Variants in PMEPA1 observed in about 807,000 individuals in gnomAD.
PMEPA1 encodes the protein protein TMEPAI.
Under a neutral mutation model 23.0 loss-of-function variants are expected in PMEPA1, and 11 were observed. The ratio of observed to expected loss-of-function variants is 0.48; its 90% CI spans 0.30 to 0.79. PMEPA1 has a LOEUF of 0.79. Ranked by LOEUF, PMEPA1 falls within the 30% of genes least tolerant of loss-of-function variation. PMEPA1 has a pLI of 0.06. For missense variants in PMEPA1, 377 were observed against 390.9 expected, an observed-to-expected ratio of 0.96 and a Z score of 0.30; for synonymous variants, 204 against 166.4, an observed-to-expected ratio of 1.23 and a Z score of -1.74.
chr20:57,701,045 A>G (rs2072004471), intron 1 of PMEPA1, among the ~76,000 whole-genome samples: 1 of 151,870 alleles, frequency 6.6e-6, no homozygotes, highest in African/African-American at 2.4e-5. Context: ...AAAAGAAAAG[A>G]AAAGAAAAAA....
At chr20:57,674,227 G>A (rs941431195) in intron 1 of PMEPA1, among the ~76,000 whole-genome samples, 1 of 152,182 alleles carries the variant, frequency 6.6e-6, no homozygotes, top group African/African-American at 2.4e-5. Context: ...CAGGATTAGT[G>A]ACCTGATAAG....
At chr20:57,695,000 G>A (rs2071927516) in intron 1 of PMEPA1, among the ~76,000 whole-genome samples, 3 of 152,316 alleles carry the variant, frequency 2.0e-5, no homozygotes, top group Non-Finnish European at 4.4e-5. Context: ...ACCACTGCCT[G>A]TCAGCCCATC....
intron 1 of PMEPA1, among the ~76,000 whole-genome samples, chr20:57,675,908 C>T (rs925596994): frequency 3.3e-5 from 5 of 152,106 alleles, no homozygotes; most frequent in African/African-American, 4.8e-5. Context: ...TTTCAGGCAA[C>T]GTGAAAAACA....
chr20:57,650,099 C>A lies in PMEPA1; in HGVS notation c.*1954G>T, dbSNP rs989605151. The A allele has an allele frequency of 6.6e-6, 1 of 152,244 alleles. No individual in the cohort carries two copies. The highest frequency in any genetic ancestry group is 2.4e-5 in the African/African-American group (1 of 41,424). The allele number at this position is 152,244 out of a possible 1,614,324, so 9.4% of individuals were successfully genotyped here. The stretch of plus-strand genomic sequence containing the variant: ...GAACGAGAACTTTCTACTAGGCTGG[C>A]GGCATGCAGAGCCCACGTCTGTCAG... On this transcript the variant is annotated 3_prime_UTR_variant, in exon 4 of 4. Transcript: ENST00000341744.
intron 1 of PMEPA1, among the ~76,000 whole-genome samples, chr20:57,703,218 C>T (rs1330252686): frequency 6.6e-6 from 1 of 152,228 alleles, no homozygotes; most frequent in Admixed American, 6.5e-5. Flanking sequence ...TGAAGACCGG[C>T]CCCTCCCCGG....
At chr20:57,689,113 G>A (rs1158846384) in intron 1 of PMEPA1, among the ~76,000 whole-genome samples, 3 of 152,212 alleles carry the variant, frequency 2.0e-5, no homozygotes, top group South Asian at 2.1e-4. Flanking sequence ...TTCAAAACGC[G>A]TTTCTGTTTG....
chr20:57,669,830 A>G (rs77541998), intron 1 of PMEPA1, among the ~76,000 whole-genome samples: 2,445 of 152,132 alleles, frequency 0.016, 87 homozygotes, highest in African/African-American at 0.057. Flanking sequence ...CATTTCTGCA[A>G]TCTCAGCATT....
At position 57,651,948 on chromosome 20, in the gene PMEPA1, C is replaced by A; in HGVS notation, c.*105G>T. 2.2e-6 allele frequency: 2 copies of A among 910,068 alleles called. No homozygotes were observed. The highest frequency in any genetic ancestry group is 2.8e-5 in the East Asian group (1 of 35,180). 56.4% of individuals were successfully genotyped at this position (910,068 alleles called of 1,614,324 possible). On this transcript the variant is annotated 3_prime_UTR_variant, in exon 4 of 4. Coordinates refer to ENST00000341744, the MANE Select transcript of PMEPA1 (RefSeq NM_020182.5). The stretch of plus-strand genomic sequence containing the variant: ...AGGGAGGTGGGAGGGGAGGGCCACA[C>A]GATGCGTTGCTGCGCCCCCCGCCTT...
At chr20:57,687,832 G>T (rs1298595661) in intron 1 of PMEPA1, among the ~76,000 whole-genome samples, 2 of 152,152 alleles carry the variant, frequency 1.3e-5, no homozygotes, top group African/African-American at 4.8e-5. Flanking sequence ...ACTCCAAGCT[G>T]ACCCAAGCTT....
intron 1 of PMEPA1, among the ~76,000 whole-genome samples, chr20:57,666,560 C>T (rs2071495293): frequency 6.6e-6 from 1 of 152,158 alleles, no homozygotes; most frequent in Admixed American, 6.5e-5. Context: ...GTGTGATTAT[C>T]CCAAAATGCC....
At chr20:57,661,560 G>T (rs919353547) in intron 1 of PMEPA1, among the ~76,000 whole-genome samples, 2 of 152,226 alleles carry the variant, frequency 1.3e-5, no homozygotes, top group African/African-American at 2.4e-5. Flanking sequence ...CAGTGCCACT[G>T]ACTCAGTTCC....
rs532387625 is a variant in PMEPA1 at position 57,690,574 on chromosome 20, T to A, written c.109+18900A>T. The stretch of plus-strand genomic sequence containing the variant: ...TAGCAGGAGGCGGGGTCTCCATTGC[T>A]ATGGCGGGTGTAGAGGGTCATGTGC... On this transcript the variant is annotated intron_variant, in intron 1 of 3. Transcript: ENST00000341744. The A allele has an allele frequency of 7.9e-6, 10 of 1,261,944 alleles. No homozygotes were observed. The African/African-American group carries it at 9.2e-5, about 12-fold the overall frequency. The allele number at this position is 1,261,944 out of a possible 1,614,324, so 78.2% of individuals were successfully genotyped here.
rs1352422618 is a variant in PMEPA1, at chr20:57,683,645, T to A, written c.110-23948A>T. Among the ~76,000 whole-genome samples the A allele has an allele frequency of 2.6e-5, 4 of 151,916 alleles. No individual in the cohort carries two copies. Among genetic ancestry groups the A allele is most frequent in the Non-Finnish European group, 2.9e-5 (2 of 67,964 alleles). ...TGTTGATATTTCTTCTTAAAGATGC[T>A]GTAATTATGAGAGAGCAGAAAGAAC... On this transcript the variant is annotated intron_variant, in intron 1 of 3. Transcript: ENST00000341744. This position sits in a 1 kb window ranked among gnomAD's most constrained non-coding sequence, Gnocchi z 4.3.
In PMEPA1 at chr20:57,683,199, C is replaced by A. The variant is rs190914076; in HGVS notation, c.110-23502G>T. On this transcript the variant is annotated intron_variant, in intron 1 of 3. Coordinates refer to ENST00000341744, the MANE Select transcript of PMEPA1 (RefSeq NM_020182.5). The surrounding 1 kb of genome is among the most constrained non-coding windows in gnomAD (Gnocchi z 4.3). Reference sequence around the variant, plus strand: ...AAAAGAAAAAGAAGGCCAGGAGACACGCGATCAATTATAAAAAGTGCAAAG... The same window carrying A: ...AAAAGAAAAAGAAGGCCAGGAGACAAGCGATCAATTATAAAAAGTGCAAAG... Among the ~76,000 whole-genome samples the A allele has an allele frequency of 6.6e-6, 1 of 152,114 alleles. No individual in the cohort carries two copies. The highest frequency in any genetic ancestry group is 1.5e-5 in the Non-Finnish European group (1 of 68,034).
intron 1 of PMEPA1, among the ~76,000 whole-genome samples, chr20:57,679,853 G>T (rs117890746): frequency 9.8e-5 from 15 of 152,316 alleles, no homozygotes; most frequent in Non-Finnish European, 2.1e-4. Context: ...TGGCTTAGAA[G>T]CCCCTAAAAT....
chr20:57,652,461 C>G lies in PMEPA1; in HGVS notation c.456G>C (p.Leu152=). The G allele has an allele frequency of 1.9e-6, 3 of 1,612,200 alleles. No homozygotes were observed. The highest frequency in any genetic ancestry group is 2.5e-6 in the Non-Finnish European group (3 of 1,178,766). The stretch of plus-strand genomic sequence containing the variant: ...AGGGTGGGGGCTCCTCCCCGTCTGA[C>G]AGCGAGATGGTGGGTGGCAGGTCGA... ...HEIDLPPTIS[L]SDGEEPPPYQ... The change falls in exon 4 of 4, where the codon CTG becomes CTC. Residue 152 remains leucine (L), a synonymous_variant. Coordinates refer to ENST00000341744, the MANE Select transcript of PMEPA1 (RefSeq NM_020182.5). This position sits in a 1 kb window ranked among gnomAD's most constrained non-coding sequence, Gnocchi z 6.1.
chr20:57,657,569 C>T lies in PMEPA1; in HGVS notation c.264+1974G>A, dbSNP rs1051647014. Among the ~76,000 whole-genome samples, 21 of 152,364 alleles carry T rather than the reference C, an allele frequency of 1.4e-4. 1 individual carries two copies. Among genetic ancestry groups the T allele is most frequent in the Admixed American group, 2.6e-4 (4 of 15,314 alleles). On this transcript the variant is annotated intron_variant, in intron 2 of 3. Coordinates refer to ENST00000341744, the MANE Select transcript of PMEPA1 (RefSeq NM_020182.5). ...GCTTGAGAGCAGCAGGTCTGCAGCA[C>T]GCCCTCCGGACAGCGTGCTGGGACG...
rs1485581539 is a variant in PMEPA1, at chr20:57,682,658, T to C, written c.110-22961A>G. On this transcript the variant is annotated intron_variant, in intron 1 of 3. Transcript: ENST00000341744. The surrounding 1 kb of genome is among the most constrained non-coding windows in gnomAD (Gnocchi z 4.4). ...ACCCACACTCCTCCAGTTTTTGATT[T>C]AAAAAAAATCCCTGAAACAGCACCC... 6.6e-6 allele frequency among the ~76,000 whole-genome samples: 1 copy of C among 151,712 alleles called. No individual in the cohort carries two copies. The highest frequency in any genetic ancestry group is 6.6e-5 in the Admixed American group (1 of 15,246).
rs1016494647 is a variant in PMEPA1 at position 57,682,680 on chromosome 20, AC to A, written c.110-22984del. 1.3e-5 allele frequency among the ~76,000 whole-genome samples: 2 copies of A among 151,990 alleles called. No homozygotes were observed. The highest frequency in any genetic ancestry group is 4.8e-5 in the African/African-American group (2 of 41,368). On this transcript the variant is annotated intron_variant, in intron 1 of 3. Transcript: ENST00000341744. This position sits in a 1 kb window ranked among gnomAD's most constrained non-coding sequence, Gnocchi z 4.4. The stretch of plus-strand genomic sequence containing the variant: ...ATTTAAAAAAAATCCCTGAAACAGC[AC>A]CCACTCCCTGTCAAGTCTGTGTCCC...
Sources: allele counts gnomAD v4.1 joint callset (sites outside exome capture counted in the v4.1 genomes callset), GRCh38; gene constraint gnomAD v4.1.1; non-coding constraint Gnocchi (gnomAD v3.1); transcripts MANE v1.5; gene names NCBI Gene and HGNC (gene_info 2026-07-23, HGNC 2026-07-21).